LRIG3: variants seen among roughly 807,000 people sequenced by gnomAD.
LRIG3 encodes leucine-rich repeats and immunoglobulin-like domains protein 3.
In LRIG3, 76 loss-of-function variants were observed where a neutral mutation model predicts 114.5. That is an observed-to-expected ratio of 0.66 (90% CI 0.55 to 0.80). The LOEUF (loss-of-function observed/expected upper bound fraction) is 0.80, where lower values mean the gene tolerates loss of function less well. Ranked by LOEUF, LRIG3 falls within the 30% of genes least tolerant of loss-of-function variation. The pLI is 0.00. For missense variants in LRIG3, 1,239 were observed against 1,382.8 expected, an observed-to-expected ratio of 0.90 and a Z score of 1.65; for synonymous variants, 512 against 519.8, an observed-to-expected ratio of 0.98 and a Z score of 0.20.
intron 10 of LRIG3, among the ~76,000 whole-genome samples, chr12:58,885,085 A>G (rs1165271866): frequency 6.6e-6 from 1 of 152,196 alleles, no homozygotes; most frequent in Non-Finnish European, 1.5e-5. Context: ...AGCTACTGGG[A>G]GTAGCGGCAG....
intron 1 of LRIG3, among the ~76,000 whole-genome samples, chr12:58,916,855 G>A (rs892921572): frequency 6.6e-6 from 1 of 152,094 alleles, no homozygotes; most frequent in Non-Finnish European, 1.5e-5. Context: ...GCAACATTTG[G>A]TTCAAGCTGT....
chr12:58,902,003 C>A (rs1871869567), intron 3 of LRIG3, among the ~76,000 whole-genome samples: 1 of 152,102 alleles, frequency 6.6e-6, no homozygotes, highest in Non-Finnish European at 1.5e-5. Flanking sequence ...TGGGTTATAA[C>A]CAGTTATATA....
Position 58,874,512 on chromosome 12 carries a change from A to C in LRIG3, c.2757T>G (p.Leu919=), listed in dbSNP as rs1405999370. 1 of 1,614,210 alleles carries C rather than the reference A, an allele frequency of 6.2e-7. No homozygotes were observed. Among genetic ancestry groups the C allele is most frequent in the South Asian group, 1.1e-5 (1 of 91,080 alleles). Residue 919 remains leucine (L), a synonymous_variant, in exon 17 of 19, where the codon CTT becomes CTG. Coordinates refer to ENST00000320743, the MANE Select transcript of LRIG3 (RefSeq NM_153377.5). The part of the protein sequence containing the change: ...ADVEAATDLF[L]CPFLGSTGPM... ...GGCCTGTGGATCCCAAAAACGGACA[A>C]AGGAACAGATCTGTGGCAGCTTCCA...
Position 58,878,953 on chromosome 12 carries a change from T to A in LRIG3, c.1954A>T (p.Met652Leu). Residue 652 changes from methionine (M) to leucine (L), a missense_variant, in exon 14 of 19, where the codon ATG (methionine) becomes TTG (leucine). Met to Leu is a conservative substitution (Grantham distance 15). Transcript: ENST00000320743. ...TDFPAARERR[M>L]HVMPEDDVFF... Reference sequence around the variant, plus strand: ...ACGTCATCCTCGGGCATCACATGCATGCGTCTCTCCCGTGCAGCTGGGAAG... The same window carrying A: ...ACGTCATCCTCGGGCATCACATGCAAGCGTCTCTCCCGTGCAGCTGGGAAG... 1 of 1,614,208 alleles carries A rather than the reference T, an allele frequency of 6.2e-7. No individual in the cohort carries two copies. Among genetic ancestry groups the A allele is most frequent in the Middle Eastern group, 1.6e-4 (1 of 6,062 alleles).
chr12:58,901,286 TC>T (rs1871838844), intron 3 of LRIG3, among the ~76,000 whole-genome samples: 1 of 152,196 alleles, frequency 6.6e-6, no homozygotes, highest in Admixed American at 6.5e-5. Flanking sequence ...ATCTGAAACT[TC>T]ATTAATGTCT....
rs1245376011 is a variant in LRIG3 at position 58,920,471 on chromosome 12, C to A, written c.-236G>T. 5.2e-6 allele frequency: 2 copies of A among 384,186 alleles called. No homozygotes were observed. The highest frequency in any genetic ancestry group is 4.6e-6 in the Non-Finnish European group (1 of 217,928). The allele number at this position is 384,186 out of a possible 1,614,324, so 23.8% of individuals were successfully genotyped here. On this transcript the variant is annotated 5_prime_UTR_variant, in exon 1 of 19. Coordinates refer to ENST00000320743, the MANE Select transcript of LRIG3 (RefSeq NM_153377.5). ...AACTGCAACAGAGTTGCAGCTTGAG[C>A]AGCGTCGGCTCGCCGAAGCCCCTTC...
At chr12:58,918,128 G>C (rs893970869) in intron 1 of LRIG3, among the ~76,000 whole-genome samples, 21 of 152,200 alleles carry the variant, frequency 1.4e-4, no homozygotes, top group Admixed American at 6.5e-5. Flanking sequence ...GATCACAGCA[G>C]GGTTCCTGAC....
At chr12:58,886,303 G>A (rs1004876080) in intron 9 of LRIG3, among the ~76,000 whole-genome samples, 2 of 151,834 alleles carry the variant, frequency 1.3e-5, no homozygotes, top group African/African-American at 2.4e-5. Context: ...GGACTATAGG[G>A]AGCTGAATTT....
intron 3 of LRIG3, among the ~76,000 whole-genome samples, chr12:58,908,547 G>A (rs1288516873): frequency 2.0e-5 from 3 of 152,136 alleles, no homozygotes; most frequent in Non-Finnish European, 2.9e-5. Context: ...CACCAGCTAG[G>A]GTGGTCAGCT....
chr12:58,915,752 G>A (rs1872458041), intron 1 of LRIG3, among the ~76,000 whole-genome samples: 1 of 152,150 alleles, frequency 6.6e-6, no homozygotes, highest in Non-Finnish European at 1.5e-5. Flanking sequence ...ACTTTCCCTT[G>A]CAGCCCAGCT....
At chr12:58,896,401 C>T (rs955901992) in intron 3 of LRIG3, among the ~76,000 whole-genome samples, 14 of 152,194 alleles carry the variant, frequency 9.2e-5, no homozygotes, top group Non-Finnish European at 1.9e-4. Context: ...AGGAGAACCA[C>T]AGAGTGGAAT....
In LRIG3 at chr12:58,877,416, G is replaced by A. The variant is rs1870958743; in HGVS notation, c.2520C>T (p.Cys840=). The change falls in exon 15 of 19, where the codon TGC becomes TGT. Residue 840 remains cysteine (C), a synonymous_variant. Transcript: ENST00000320743. ...IYHTRRRNED[C]SITNTDETNL... ...TTTACACACCTGTGTTGGTAATGCT[G>A]CAATCTTCATTCCTCCGCCTTGTGT... 2 of 1,613,696 alleles carry A rather than the reference G, an allele frequency of 1.2e-6. No homozygotes were observed. Among genetic ancestry groups the A allele is most frequent in the African/African-American group, 1.3e-5 (1 of 74,884 alleles).
At chr12:58,904,676 G>GAA (rs1375398630) in intron 3 of LRIG3, among the ~76,000 whole-genome samples, 1 of 152,082 alleles carries the variant, frequency 6.6e-6, no homozygotes, top group African/African-American at 2.4e-5. Context: ...TCTTATTAAG[G>GAA]AAAACAATGG....
rs574540458 is a variant in LRIG3, at chr12:58,878,123, G to T, written c.2084-271C>A. 1.5e-4 allele frequency among the ~76,000 whole-genome samples: 23 copies of T among 152,150 alleles called. No homozygotes were observed. The South Asian group carries it at 1.9e-3, about 12-fold the overall frequency. The stretch of plus-strand genomic sequence containing the variant: ...GCAAAAGTCGGGAAGCTGGTAGTAG[G>T]GGGGGAGAGTGGGAAACAAAAGCTT... On this transcript the variant is annotated intron_variant, in intron 14 of 18. Coordinates refer to ENST00000320743, the MANE Select transcript of LRIG3 (RefSeq NM_153377.5).
chr12:58,913,683 C>T (rs1389314838), intron 3 of LRIG3: 1 of 259,496 alleles, frequency 3.9e-6, no homozygotes, highest in Non-Finnish European at 7.2e-6. Context: ...AAGTCCTAGT[C>T]TACAGAATAC....
At position 58,920,270 on chromosome 12, in the gene LRIG3, C is replaced by G; in HGVS notation, c.-35G>C. The G allele has an allele frequency of 7.7e-7, 1 of 1,304,720 alleles. No individual in the cohort carries two copies. Among genetic ancestry groups the G allele is most frequent in the African/African-American group, 1.6e-5 (1 of 64,354 alleles). The allele number at this position is 1,304,720 out of a possible 1,614,324, so 80.8% of individuals were successfully genotyped here. ...GCGGCCTAGGTCTCTACCCGAAGCTCCCAGCCGGCGCGCGCTCGGGGCCCG... is the reference window on the plus strand; with the variant it reads ...GCGGCCTAGGTCTCTACCCGAAGCTGCCAGCCGGCGCGCGCTCGGGGCCCG... On this transcript the variant is annotated 5_prime_UTR_variant, in exon 1 of 19. Coordinates refer to ENST00000320743, the MANE Select transcript of LRIG3 (RefSeq NM_153377.5).
intron 3 of LRIG3, among the ~76,000 whole-genome samples, chr12:58,898,968 T>G (rs1871744243): frequency 6.6e-6 from 1 of 152,178 alleles, no homozygotes; most frequent in Non-Finnish European, 1.5e-5. Flanking sequence ...CTCTTAGGAT[T>G]TTGAAGACAC....
At position 58,883,509 on chromosome 12, in the gene LRIG3, G is replaced by C; in HGVS notation, c.1316+11C>G. 6.5e-7 allele frequency: 1 copy of C among 1,527,070 alleles called. No individual in the cohort carries two copies. The highest frequency in any genetic ancestry group is 8.9e-7 in the Non-Finnish European group (1 of 1,120,494). 94.6% of individuals were successfully genotyped at this position (1,527,070 alleles called of 1,614,324 possible). A position where few individuals can be genotyped will look rare whatever the true frequency, so the allele number is the denominator to read the frequency against. The stretch of plus-strand genomic sequence containing the variant: ...TACTTTCAGACTCCTAGAAGGAAAA[G>C]AAAAGCTTACAATTGTTGCAGTTTC... On this transcript the variant is annotated intron_variant, in intron 11 of 18. Transcript: ENST00000320743.
In LRIG3 at chr12:58,888,913, C is replaced by T. The variant is rs1871363268; in HGVS notation, c.709G>A (p.Gly237Ser). Residue 237 changes from glycine to serine, a missense_variant, in exon 6 of 19, where the codon GGC becomes AGC. Gly to Ser is a moderately conservative substitution (Grantham distance 56, BLOSUM62 0). Transcript: ENST00000320743. ...TTCAGAGACTTCAGAGCACCAAGGC[C>T]TTGGAATGTCAGTCCATCTACATTT... Reference protein sequence around the residue: ...IKNVDGLTFQGLGALKSLKMQ... With the variant: ...IKNVDGLTFQSLGALKSLKMQ... The T allele has an allele frequency of 6.2e-7, 1 of 1,613,844 alleles. No homozygotes were observed. The highest frequency in any genetic ancestry group is 1.3e-5 in the African/African-American group (1 of 75,012).
Sources: allele counts gnomAD v4.1 joint callset (sites outside exome capture counted in the v4.1 genomes callset), GRCh38; gene constraint gnomAD v4.1.1; transcripts MANE v1.5; gene names NCBI Gene and HGNC (gene_info 2026-07-23, HGNC 2026-07-21).